Variants in EIF3L observed in about 807,000 individuals in gnomAD.
The protein encoded by EIF3L is eIEF associated protein HSPC021.
A neutral mutation model predicts 74.6 loss-of-function variants in EIF3L; 32 were observed. The ratio of observed to expected loss-of-function variants is 0.43; its 90% CI spans 0.32 to 0.58. The LOEUF (loss-of-function observed/expected upper bound fraction) is 0.58, where lower values mean the gene tolerates loss of function less well. Ranked by LOEUF, EIF3L falls within the 20% of genes least tolerant of loss-of-function variation. The pLI is 0.06. For synonymous variants in EIF3L, 256 were observed against 254.4 expected (o/e 1.01, Z -0.06); for missense variants, 474 against 707.8 (o/e 0.67, Z 3.75).
At chr22:37,871,871 GGAAA>G (rs1229553115) in intron 8 of EIF3L, among the ~76,000 whole-genome samples, 6 of 111,608 alleles carry the variant, frequency 5.4e-5, no homozygotes, top group African/African-American at 1.3e-4. Flanking sequence ...TCTGTCTCGG[GGAAA>G]AAAAAAAAAA....
Position 37,878,180 on chromosome 22 carries a change from G to C in EIF3L, c.1575+9G>C. ...ACTTCTACATTGATAAGGTATGCCT[G>C]TCCCCTGGGCTTGGGGTCTTGTATT... is the stretch of plus-strand genomic sequence containing the variant. On this transcript the variant is annotated intron_variant, in intron 11 of 12. Transcript: ENST00000652021. 1 of 1,589,576 alleles carries C rather than the reference G, an allele frequency of 6.3e-7. No homozygotes were observed. Among genetic ancestry groups the C allele is most frequent in the Non-Finnish European group, 8.6e-7 (1 of 1,166,254 alleles).
chr22:37,858,415 T>A (rs907376869), intron 4 of EIF3L: 9 of 428,208 alleles, frequency 2.1e-5, no homozygotes, highest in African/African-American at 1.3e-4. Flanking sequence ...CTGGTTTTTT[T>A]ATGCACTTGG....
intron 7 of EIF3L, among the ~76,000 whole-genome samples, chr22:37,869,660 C>T (rs1926368131): frequency 6.6e-6 from 1 of 152,090 alleles, no homozygotes; most frequent in Non-Finnish European, 1.5e-5. Flanking sequence ...TTGTGCTTGG[C>T]CAGACGACTC....
At position 37,863,330 on chromosome 22, in the gene EIF3L, T is replaced by C. The variant is rs1485848747; in HGVS notation, c.564T>C (p.Asp188=). ...LPNQWLWDII[D]EFIYQFQSFS... Reference sequence around the variant, plus strand: ...ACCAGTGGCTCTGGGATATTATCGATGAGTTCATCTACCAGGTATCTGGTC... The same window carrying C: ...ACCAGTGGCTCTGGGATATTATCGACGAGTTCATCTACCAGGTATCTGGTC... Residue 188 remains aspartate (D), a synonymous_variant, in exon 7 of 13, where the codon GAT becomes GAC. Coordinates refer to ENST00000652021, the MANE Select transcript of EIF3L (RefSeq NM_016091.4). 6.2e-7 allele frequency: 1 copy of C among 1,613,596 alleles called. No individual in the cohort carries two copies. Among genetic ancestry groups the C allele is most frequent in the Admixed American group, 1.7e-5 (1 of 59,910 alleles).
intron 5 of EIF3L, among the ~76,000 whole-genome samples, chr22:37,859,370 G>GTTTTTTTTTTT (rs1437551077): frequency 8.4e-4 from 61 of 72,710 alleles, no homozygotes; most frequent in Admixed American, 1.3e-3. Flanking sequence ...AGTACGTGAA[G>GTTTTTTTTTTT]TTTCTTTTTT....
intron 1 of EIF3L, 89 bp downstream of exon 1, chr22:37,849,571 G>C: frequency 6.9e-7 from 1 of 1,453,778 alleles, no homozygotes; most frequent in Non-Finnish European, 9.3e-7. Flanking sequence ...GCAGCTTCCG[G>C]GTCGCGGCCA....
At chr22:37,853,992 C>T (rs553802667) in intron 3 of EIF3L, among the ~76,000 whole-genome samples, 12 of 152,282 alleles carry the variant, frequency 7.9e-5, no homozygotes, top group African/African-American at 2.9e-4. Flanking sequence ...ATATAGTAGC[C>T]ACATGTAGCT....
At chr22:37,860,087 C>T (rs1342436940) in intron 5 of EIF3L, among the ~76,000 whole-genome samples, 1 of 152,184 alleles carries the variant, frequency 6.6e-6, no homozygotes, top group African/African-American at 2.4e-5. Context: ...GCCTCAGTTG[C>T]CCCACTGAAG....
At chr22:37,858,175 TCAAA>T (rs774796063) in intron 4 of EIF3L, among the ~76,000 whole-genome samples, 29 of 149,396 alleles carry the variant, frequency 1.9e-4, no homozygotes, top group Non-Finnish European at 3.0e-4. Context: ...GACCCTGTCT[TCAAA>T]CAAACAAACA....
chr22:37,858,031 C>T (rs980779164), intron 4 of EIF3L, among the ~76,000 whole-genome samples: 3 of 151,656 alleles, frequency 2.0e-5, no homozygotes, highest in African/African-American at 7.3e-5. Flanking sequence ...AAAAAATTAT[C>T]CAGGCATGGT....
rs1381133746 is a variant in EIF3L at position 37,863,022 on chromosome 22, CTT to C, written c.490_491del (p.Phe164GlnfsTer5). 2.5e-6 allele frequency: 4 copies of C among 1,613,340 alleles called. No homozygotes were observed. The highest frequency in any genetic ancestry group is 2.5e-6 in the Non-Finnish European group (3 of 1,179,862). ...AATCCTATTACAACTACTGCAATCT[CTT>C]CAACTACATTCTTAGTGAGTCTGAG... ...FESYYNYCNL[F>X]NYILNADGPA... On this transcript the variant is annotated frameshift_variant, in exon 6 of 13. Coordinates refer to ENST00000652021, the MANE Select transcript of EIF3L (RefSeq NM_016091.4). LOFTEE classifies it high-confidence loss of function.
intron 8 of EIF3L, among the ~76,000 whole-genome samples, chr22:37,871,007 A>G (rs1316178056): frequency 6.6e-6 from 1 of 152,038 alleles, no homozygotes; most frequent in East Asian, 1.9e-4. Flanking sequence ...GTGCCCCTGT[A>G]GTCCCAGCTA....
intron 12 of EIF3L, chr22:37,887,701 C>T (rs187249325): frequency 2.6e-5 from 4 of 152,472 alleles, no homozygotes; most frequent in South Asian, 2.1e-4. Flanking sequence ...TCTCCCTCTG[C>T]GGGTGGCCAG....
At chr22:37,884,619 G>A (rs1569125277) in intron 11 of EIF3L, 1 of 152,146 alleles carries the variant, frequency 6.6e-6, no homozygotes, top group Non-Finnish European at 1.5e-5. Context: ...AAGTTTTCCA[G>A]TGTTTTAAAT....
chr22:37,874,063 G>T (rs1269944554), intron 8 of EIF3L, among the ~76,000 whole-genome samples: 1 of 152,126 alleles, frequency 6.6e-6, no homozygotes, highest in Admixed American at 6.6e-5. Context: ...TTGACCTCAT[G>T]TGCTTTCTGA....
Position 37,871,728 on chromosome 22 carries a change from G to T in EIF3L, c.751+1381G>T, listed in dbSNP as rs562010593. Among the ~76,000 whole-genome samples the T allele has an allele frequency of 3.3e-4, 50 of 152,118 alleles. No individual in the cohort carries two copies. In the South Asian group the frequency reaches 0.01, roughly 31 times the overall value. On this transcript the variant is annotated intron_variant, in intron 8 of 12. Transcript: ENST00000652021. ...ACTAAAAATACAAAAAATTAGCCGG[G>T]CCTGGTGGTGGGCACCTGTAATCCC...
At chr22:37,881,854 T>G (rs1927065677) in intron 11 of EIF3L, 1 of 152,222 alleles carries the variant, frequency 6.6e-6, no homozygotes, top group Non-Finnish European at 1.5e-5. Context: ...TCTAATATCC[T>G]GCATTTTTAA....
intron 2 of EIF3L, among the ~76,000 whole-genome samples, chr22:37,850,766 T>C (rs1925160726): frequency 6.6e-6 from 1 of 152,236 alleles, no homozygotes; most frequent in Non-Finnish European, 1.5e-5. Flanking sequence ...GTGTTATCCA[T>C]TGTTCTAAGT....
chr22:37,852,060 T>A (rs1925256576), intron 3 of EIF3L, among the ~76,000 whole-genome samples: 1 of 152,194 alleles, frequency 6.6e-6, no homozygotes, highest in Non-Finnish European at 1.5e-5. Context: ...CCCGTTGGCC[T>A]CCCAGAGTGC....
Sources: allele counts gnomAD v4.1 joint callset (sites outside exome capture counted in the v4.1 genomes callset), GRCh38; gene constraint gnomAD v4.1.1; transcripts MANE v1.5; gene names NCBI Gene and HGNC (gene_info 2026-07-23, HGNC 2026-07-21).